Variants in RRP15 observed in about 807,000 individuals in gnomAD.
RRP15 encodes RRP15-like protein.
RRP15 carries 18 observed loss-of-function variants against 27.1 expected under a neutral mutation model. The ratio of observed to expected loss-of-function variants is 0.66; its 90% CI spans 0.46 to 0.98. RRP15 has a LOEUF of 0.98. Among genes scored for constraint, RRP15 ranks in the 50% least tolerant of loss-of-function variants. The pLI is 0.00. For missense variants in RRP15, 359 were observed against 337.8 expected, an observed-to-expected ratio of 1.06 and a Z score of -0.49; for synonymous variants, 107 against 109.4, an observed-to-expected ratio of 0.98 and a Z score of 0.14.
At chr1:218,330,814 G>A (rs1289195816) in intron 4 of RRP15, 134 bp from the exon 5 acceptor site, 3 of 632,142 alleles carry the variant, frequency 4.7e-6, no homozygotes, top group Non-Finnish European at 5.5e-6. Flanking sequence ...AAAGTAAGTC[G>A]ATTTATAATT....
chr1:218,315,675 C>T (rs1247762536), intron 4 of RRP15, among the ~76,000 whole-genome samples: 5 of 151,002 alleles, frequency 3.3e-5, no homozygotes, highest in Admixed American at 2.6e-4. Context: ...CTGGTCTCCT[C>T]GAACTCCTGG....
intron 4 of RRP15, among the ~76,000 whole-genome samples, chr1:218,321,629 A>G (rs146802609): frequency 4.6e-5 from 7 of 152,256 alleles, no homozygotes; most frequent in Non-Finnish European, 1.0e-4. Context: ...ACTGGAGTCA[A>G]TGGCTTATCT....
At chr1:218,309,631 C>T (rs1253257879) in intron 4 of RRP15, among the ~76,000 whole-genome samples, 5 of 133,264 alleles carry the variant, frequency 3.8e-5, no homozygotes, top group South Asian at 4.7e-4. Flanking sequence ...TGCAGTGAGC[C>T]GAGATTGTGC....
At chr1:218,292,124 C>G (rs12745029) in intron 1 of RRP15, among the ~76,000 whole-genome samples, 43,129 of 152,238 alleles carry the variant, frequency 0.28, 7,553 homozygotes, top group Non-Finnish European at 0.38. Flanking sequence ...GCATGAGCCA[C>G]TGCACCCAGC....
intron 4 of RRP15, among the ~76,000 whole-genome samples, chr1:218,322,634 T>C (rs182492714): frequency 1.3e-5 from 2 of 152,082 alleles, no homozygotes; most frequent in Admixed American, 1.3e-4. Context: ...TTCCACCCCA[T>C]TCTGCCTACT....
intron 4 of RRP15, among the ~76,000 whole-genome samples, chr1:218,328,479 G>A (rs967998350): frequency 1.3e-5 from 2 of 152,012 alleles, no homozygotes; most frequent in African/African-American, 4.8e-5. Flanking sequence ...TGGCTAACAT[G>A]GTGAAACCCC....
intron 1 of RRP15, among the ~76,000 whole-genome samples, chr1:218,293,915 A>C (rs1048242302): frequency 1.3e-5 from 2 of 152,124 alleles, no homozygotes; most frequent in Admixed American, 6.5e-5. Context: ...TTCTCTTAAC[A>C]TGATTTTTTT....
intron 4 of RRP15, among the ~76,000 whole-genome samples, chr1:218,311,367 C>A (rs1237169586): frequency 6.6e-6 from 1 of 152,048 alleles, no homozygotes; most frequent in East Asian, 1.9e-4. Context: ...TACTAGTATT[C>A]AATGTGAATA....
At chr1:218,289,170 A>G (rs1655595416) in intron 1 of RRP15, among the ~76,000 whole-genome samples, 1 of 152,206 alleles carries the variant, frequency 6.6e-6, no homozygotes, top group African/African-American at 2.4e-5. Flanking sequence ...TGCTAGTCCC[A>G]TCTCTTTTTG....
Position 218,308,091 on chromosome 1 carries a change from T to TG in RRP15, c.705+460dup, listed in dbSNP as rs1655931350. Among the ~76,000 whole-genome samples the TG allele has an allele frequency of 2.2e-5, 3 of 134,798 alleles. No homozygotes were observed. In the Admixed American group the frequency reaches 2.2e-4, roughly 10 times the overall value. The allele number at this position is 134,798 out of a possible 152,430, so 88.4% of individuals were successfully genotyped here. On this transcript the variant is annotated intron_variant, in intron 4 of 4. Transcript: ENST00000366932. ...TTTTTTTTTTTTTTTTTTTTTTTTT[T>TG]GATGGAGTCTTGCTCCCTGGCCCAG...
At chr1:218,302,589 G>T (rs753766717) in intron 2 of RRP15, 30 bp downstream of exon 2, 54 of 1,599,958 alleles carry the variant, frequency 3.4e-5, no homozygotes, top group Non-Finnish European at 4.5e-5. Flanking sequence ...TTGTAGATTA[G>T]ATTGTTTGTC....
chr1:218,292,341 T>C (rs1459004620), intron 1 of RRP15, among the ~76,000 whole-genome samples: 1 of 152,228 alleles, frequency 6.6e-6, no homozygotes, highest in Non-Finnish European at 1.5e-5. Flanking sequence ...ATTGCATCCT[T>C]GTGCTTAGGG....
At chr1:218,304,994 A>T in intron 2 of RRP15, 34 bp from the exon 3 acceptor site, 1 of 1,561,986 alleles carries the variant, frequency 6.4e-7, no homozygotes, top group South Asian at 1.1e-5. Context: ...AGAAATATCT[A>T]ATATTCTTTC....
At position 218,333,483 on chromosome 1, in the gene RRP15, A is replaced by G. The variant is rs1449363034; in HGVS notation, c.*2392A>G. ...TAATCCGAGTGTATTTCATCTTTCT[A>G]CATTGTCTTTGTGGTTTTTGTTTGT... On this transcript the variant is annotated 3_prime_UTR_variant, in exon 5 of 5. Coordinates refer to ENST00000366932, the MANE Select transcript of RRP15 (RefSeq NM_016052.4). 6.6e-6 allele frequency: 1 copy of G among 152,102 alleles called. No individual in the cohort carries two copies. The highest frequency in any genetic ancestry group is 2.4e-5 in the African/African-American group (1 of 41,418). The allele number at this position is 152,102 out of a possible 1,614,324, so 9.4% of individuals were successfully genotyped here. A position where few individuals can be genotyped will look rare whatever the true frequency, so the allele number is the denominator to read the frequency against.
At chr1:218,329,669 G>C (rs1305098867) in intron 4 of RRP15, among the ~76,000 whole-genome samples, 1 of 152,102 alleles carries the variant, frequency 6.6e-6, no homozygotes, top group Non-Finnish European at 1.5e-5. Context: ...GCTGATGTTT[G>C]ATATACGAAG....
chr1:218,331,124 A>G lies in RRP15; in HGVS notation c.*33A>G. 1.3e-6 allele frequency: 2 copies of G among 1,561,944 alleles called. No homozygotes were observed. The highest frequency in any genetic ancestry group is 8.7e-7 in the Non-Finnish European group (1 of 1,149,024). On this transcript the variant is annotated 3_prime_UTR_variant, in exon 5 of 5. Coordinates refer to ENST00000366932, the MANE Select transcript of RRP15 (RefSeq NM_016052.4). ...TAGGAAATACAATTGCAGTCGTTTT[A>G]TTTTTTCTAGAAAAATATGTCATCC...
chr1:218,305,896 G>GCA (rs1655891938), intron 3 of RRP15, among the ~76,000 whole-genome samples: 1 of 152,038 alleles, frequency 6.6e-6, no homozygotes, highest in African/African-American at 2.4e-5. Flanking sequence ...TCGTAGTACT[G>GCA]GCTCTTACTA....
At chr1:218,321,269 A>G (rs1031015647) in intron 4 of RRP15, among the ~76,000 whole-genome samples, 2 of 152,222 alleles carry the variant, frequency 1.3e-5, no homozygotes, top group African/African-American at 2.4e-5. Context: ...TCCTTGCATC[A>G]TGCAGTTTTC....
At chr1:218,315,611 A>AT (rs573084291) in intron 4 of RRP15, among the ~76,000 whole-genome samples, 2,213 of 133,560 alleles carry the variant, frequency 0.017, 33 homozygotes, top group African/African-American at 0.045. Context: ...TTATTATTTT[A>AT]TTTTTTTTTT....
Sources: allele counts gnomAD v4.1 joint callset (sites outside exome capture counted in the v4.1 genomes callset), GRCh38; gene constraint gnomAD v4.1.1; transcripts MANE v1.5; gene names NCBI Gene and HGNC (gene_info 2026-07-23, HGNC 2026-07-21).